Variants in SRD5A3 observed in about 807,000 individuals in gnomAD.
SRD5A3 encodes the protein steroid 5 alpha-reductase 3, also known as polyprenal reductase.
A neutral mutation model predicts 34.3 loss-of-function variants in SRD5A3; 24 were observed. That is an observed-to-expected ratio of 0.70 (90% confidence interval 0.51 to 0.99). The LOEUF (loss-of-function observed/expected upper bound fraction) is 0.99. SRD5A3 is among the 50% of genes least tolerant of loss of function. SRD5A3 has a pLI of 0.00. For synonymous variants in SRD5A3, 161 were observed against 167.3 expected, an observed-to-expected ratio of 0.96 and a Z score of 0.29; for missense variants, 350 against 388.2, an observed-to-expected ratio of 0.90 and a Z score of 0.83.
chr4:55,357,664 CTG>C (rs1171963183), intron 1 of SRD5A3, among the ~76,000 whole-genome samples: 2 of 152,236 alleles, frequency 1.3e-5, no homozygotes, highest in African/African-American at 4.8e-5. Flanking sequence ...AATTCTTGTT[CTG>C]TGTGGCCAGA....
intron 1 of SRD5A3, 144 bp downstream of exon 1, chr4:55,346,701 C>G: frequency 1.4e-6 from 1 of 736,488 alleles, no homozygotes; most frequent in Non-Finnish European, 2.0e-6. Flanking sequence ...GCACGGCGCT[C>G]CCTCGGCCTG....
chr4:55,350,560 G>A (rs1719150286), intron 1 of SRD5A3, among the ~76,000 whole-genome samples: 1 of 151,956 alleles, frequency 6.6e-6, no homozygotes, highest in Non-Finnish European at 1.5e-5. Context: ...GTCATAAATT[G>A]TGAATGCAAT....
In SRD5A3 at chr4:55,367,658, C is replaced by T; in HGVS notation, c.633C>T (p.Ile211=). 6.2e-7 allele frequency: 1 copy of T among 1,614,084 alleles called. No individual in the cohort carries two copies. Among genetic ancestry groups the T allele is most frequent in the Non-Finnish European group, 8.5e-7 (1 of 1,179,976 alleles). Residue 211 remains isoleucine (I), a synonymous_variant, in exon 4 of 5, where the codon ATC becomes ATT. Coordinates refer to ENST00000264228, the MANE Select transcript of SRD5A3 (RefSeq NM_024592.5). ...ATATTCTTGGGATGATGATGTTCAT[C>T]TGGTCATCTGCCCATCAGTATAAGT... ...WFHILGMMMF[I]WSSAHQYKCH...
Position 55,360,023 on chromosome 4 carries a change from T to C in SRD5A3, c.364+535T>C, listed in dbSNP as rs773839060. 1.5e-3 allele frequency among the ~76,000 whole-genome samples: 231 copies of C among 151,152 alleles called. 1 individual carries two copies. The highest frequency in any genetic ancestry group is 2.4e-3 in the Non-Finnish European group (163 of 67,842). On this transcript the variant is annotated intron_variant, in intron 2 of 4. Coordinates refer to ENST00000264228, the MANE Select transcript of SRD5A3 (RefSeq NM_024592.5). ...GTCAGGAGATCGAGACCATCCTGGC[T>C]AACACGGTGAAACCCTGTCTCTACT... is the stretch of plus-strand genomic sequence containing the variant.
chr4:55,352,513 C>G (rs1449462463), intron 1 of SRD5A3: 1 of 554,310 alleles, frequency 1.8e-6, no homozygotes, highest in African/African-American at 1.9e-5. Flanking sequence ...AACCCCTGCT[C>G]TAGACTGTAA....
chr4:55,352,854 A>T (rs781413461), intron 1 of SRD5A3, among the ~76,000 whole-genome samples: 32 of 152,348 alleles, frequency 2.1e-4, no homozygotes, highest in Middle Eastern at 3.4e-3. Context: ...AGATGACTGT[A>T]AGTGCTTTAG....
intron 2 of SRD5A3, among the ~76,000 whole-genome samples, chr4:55,362,058 G>A (rs992939432): frequency 1.3e-5 from 2 of 151,810 alleles, no homozygotes; most frequent in Non-Finnish European, 2.9e-5. Context: ...TGCTGATAGG[G>A]GTTGTTCCCC....
chr4:55,347,173 A>G (rs1172418482), intron 1 of SRD5A3, among the ~76,000 whole-genome samples: 1 of 152,196 alleles, frequency 6.6e-6, no homozygotes, highest in Non-Finnish European at 1.5e-5. Context: ...GACTTTCGAA[A>G]AATTCTGTAA....
At chr4:55,355,999 C>CTTTTTTT (rs1578204604) in intron 1 of SRD5A3, among the ~76,000 whole-genome samples, 1 of 65,924 alleles carries the variant, frequency 1.5e-5, no homozygotes, top group African/African-American at 4.6e-5. Context: ...CTTTTGCCTC[C>CTTTTTTT]ATTTTTTTTT....
intron 1 of SRD5A3, among the ~76,000 whole-genome samples, chr4:55,358,028 G>A (rs892691315): frequency 6.6e-6 from 1 of 152,170 alleles, no homozygotes; most frequent in African/African-American, 2.4e-5. Context: ...AGGAGCCCCT[G>A]CGATTATGTT....
Position 55,371,847 on chromosome 4 carries a change from G to C in SRD5A3, c.*1756G>C, listed in dbSNP as rs966844494. On this transcript the variant is annotated 3_prime_UTR_variant, in exon 5 of 5. Coordinates refer to ENST00000264228, the MANE Select transcript of SRD5A3 (RefSeq NM_024592.5). Reference sequence around the variant, plus strand: ...TTGTTGTATTTTTAGTAGAGATAGAGTTTCACCATGTTGGCCAGGCTGGTC... The same window carrying C: ...TTGTTGTATTTTTAGTAGAGATAGACTTTCACCATGTTGGCCAGGCTGGTC... The C allele has an allele frequency of 1.3e-5, 2 of 152,154 alleles. No individual in the cohort carries two copies. The highest frequency in any genetic ancestry group is 4.8e-5 in the African/African-American group (2 of 41,422). 9.4% of individuals were successfully genotyped at this position (152,154 alleles called of 1,614,324 possible). A position where few individuals can be genotyped will look rare whatever the true frequency, so the allele number is the denominator to read the frequency against.
chr4:55,360,846 G>A (rs1396239195), intron 2 of SRD5A3, among the ~76,000 whole-genome samples: 3 of 151,794 alleles, frequency 2.0e-5, no homozygotes, highest in Non-Finnish European at 4.4e-5. Flanking sequence ...GTGCCACCAC[G>A]CCCAGCTAAT....
chr4:55,360,017 C>T (rs564590170), intron 2 of SRD5A3, among the ~76,000 whole-genome samples: 8 of 150,200 alleles, frequency 5.3e-5, no homozygotes, highest in Non-Finnish European at 1.2e-4. Flanking sequence ...TCGAGACCAT[C>T]CTGGCTAACA....
chr4:55,353,611 C>G (rs898564843), intron 1 of SRD5A3, among the ~76,000 whole-genome samples: 14 of 152,210 alleles, frequency 9.2e-5, no homozygotes, highest in African/African-American at 3.1e-4. Context: ...CTCTTTGGGT[C>G]TGCACTACCT....
chr4:55,362,887 C>T (rs1368840954), intron 2 of SRD5A3, among the ~76,000 whole-genome samples: 1 of 149,224 alleles, frequency 6.7e-6, no homozygotes, highest in Non-Finnish European at 1.5e-5. Flanking sequence ...TGCTCTATCT[C>T]CCAGGCTGAT....
intron 1 of SRD5A3, among the ~76,000 whole-genome samples, chr4:55,353,958 C>T (rs1404006946): frequency 6.6e-6 from 1 of 152,212 alleles, no homozygotes; most frequent in Admixed American, 6.5e-5. Context: ...CACAATAGCA[C>T]CTGCTGGTCT....
chr4:55,352,155 C>G (rs1478315224), intron 1 of SRD5A3: 2 of 860,320 alleles, frequency 2.3e-6, no homozygotes, highest in East Asian at 2.4e-5. Flanking sequence ...TGCACTAAGT[C>G]TGGTTTGGCT....
intron 1 of SRD5A3, among the ~76,000 whole-genome samples, chr4:55,352,901 C>T (rs1335106632): frequency 6.6e-6 from 1 of 152,168 alleles, no homozygotes; most frequent in Non-Finnish European, 1.5e-5. Context: ...ATGAGCAAGA[C>T]TGAAGTGGGC....
chr4:55,368,499 A>G (rs13110213), intron 4 of SRD5A3, among the ~76,000 whole-genome samples: 7 of 147,350 alleles, frequency 4.8e-5, no homozygotes, highest in African/African-American at 7.4e-5. Flanking sequence ...ATCTCGGCTC[A>G]CTGCAACCTC....
Sources: allele counts gnomAD v4.1 joint callset (sites outside exome capture counted in the v4.1 genomes callset), GRCh38; gene constraint gnomAD v4.1.1; transcripts MANE v1.5; gene names NCBI Gene and HGNC (gene_info 2026-07-23, HGNC 2026-07-21).